FCHSD1: variants seen among roughly 807,000 people sequenced by gnomAD.
FCHSD1 encodes the protein FCH and double SH3 domains 1.
Under a neutral mutation model 101.3 loss-of-function variants are expected in FCHSD1, and 109 were observed. The ratio of observed to expected loss-of-function variants is 1.08; its 90% CI spans 0.92 to 1.26. FCHSD1 has a LOEUF of 1.26. FCHSD1 is among the 50% of genes most tolerant of loss of function. The pLI, the probability that FCHSD1 is intolerant of heterozygous loss-of-function variation, is 0.00. For missense variants in FCHSD1, 820 were observed against 895.8 expected, an observed-to-expected ratio of 0.92 and a Z score of 1.08; for synonymous variants, 291 against 356.8, an observed-to-expected ratio of 0.82 and a Z score of 2.08.
rs1299234709 is a variant in FCHSD1 at position 141,647,702 on chromosome 5, C to T, written c.706-182G>A. On this transcript the variant is annotated intron_variant, in intron 8 of 19. Transcript: ENST00000435817. The stretch of plus-strand genomic sequence containing the variant: ...AGTTTAAAACACGTTCACATCCATT[C>T]TCTCCTTTGAGCCCCACTAGTGCTA... 12 of 1,038,202 alleles carry T rather than the reference C, an allele frequency of 1.2e-5. No individual in the cohort carries two copies. The East Asian group carries it at 2.6e-4, about 23-fold the overall frequency. The allele number at this position is 1,038,202 out of a possible 1,614,324, so 64.3% of individuals were successfully genotyped here. A position where few individuals can be genotyped will look rare whatever the true frequency, so the allele number is the denominator to read the frequency against.
chr5:141,649,801 G>T lies in FCHSD1; in HGVS notation c.233+86C>A. The T allele has an allele frequency of 6.8e-7, 1 of 1,461,534 alleles. No individual in the cohort carries two copies. Among genetic ancestry groups the T allele is most frequent in the Non-Finnish European group, 9.2e-7 (1 of 1,088,216 alleles). The allele number at this position is 1,461,534 out of a possible 1,614,324, so 90.5% of individuals were successfully genotyped here. Reference sequence around the variant, plus strand: ...TACAGCTCACGTGCCTTCCCCACTTGCTAGGCCTTCATCCCCACAGGTTCC... The same window carrying T: ...TACAGCTCACGTGCCTTCCCCACTTTCTAGGCCTTCATCCCCACAGGTTCC... On this transcript the variant is annotated intron_variant, in intron 4 of 19. Coordinates refer to ENST00000435817, the MANE Select transcript of FCHSD1 (RefSeq NM_033449.3). This position sits in a 1 kb window ranked among gnomAD's most constrained non-coding sequence, Gnocchi z 4.1.
intron 18 of FCHSD1, 58 bp downstream of exon 18, chr5:141,642,943 A>G: frequency 3.3e-6 from 5 of 1,509,970 alleles, no homozygotes; most frequent in Middle Eastern, 3.9e-4. Flanking sequence ...TGGGAGTCCA[A>G]GCTTCCTCCT....
chr5:141,640,138 G>A lies in FCHSD1; in HGVS notation c.*1360C>T, dbSNP rs2099906670. ...GCCAGCCCCCCAGTACAGAATGGAG[G>A]ACTCAGGGACAGCAGCCTAACCCCT... On this transcript the variant is annotated 3_prime_UTR_variant, in exon 20 of 20. Transcript: ENST00000435817. 4.3e-6 allele frequency: 7 copies of A among 1,613,978 alleles called. No individual in the cohort carries two copies. The highest frequency in any genetic ancestry group is 5.9e-6 in the Non-Finnish European group (7 of 1,179,984).
intron 3 of FCHSD1, 88 bp downstream of exon 3, chr5:141,650,271 A>G (rs2099908204): frequency 6.4e-7 from 1 of 1,561,052 alleles, no homozygotes; most frequent in Admixed American, 1.7e-5. Flanking sequence ...TCTGCTCTTG[A>G]CCACAATAGG....
Position 141,639,452 on chromosome 5 carries a change from C to T in FCHSD1, c.*2046G>A, listed in dbSNP as rs1406796226. The T allele has an allele frequency of 1.3e-5, 20 of 1,590,258 alleles. No homozygotes were observed. Among genetic ancestry groups the T allele is most frequent in the Non-Finnish European group, 1.7e-5 (20 of 1,165,408 alleles). ...AAATGTTACCCTCACTCCCCTCCTC[C>T]CTGCTGTCCAGTGTGGATGCCACCT... On this transcript the variant is annotated 3_prime_UTR_variant, in exon 20 of 20. Transcript: ENST00000435817. This position sits in a 1 kb window ranked among gnomAD's most constrained non-coding sequence, Gnocchi z 4.4.
At position 141,648,992 on chromosome 5, in the gene FCHSD1, G is replaced by A. The variant is rs970312878; in HGVS notation, c.541C>T (p.His181Tyr). ...AGTTTCTGGAGACTGGTCCGAGAGTGGAAGATCCCATGGTCACTTCGGTTT... is the reference window on the plus strand; with the variant it reads ...AGTTTCTGGAGACTGGTCCGAGAGTAGAAGATCCCATGGTCACTTCGGTTT... ...RLNRSDHGIF[H>Y]SRTSLQKLST... The change falls in exon 7 of 20, where the codon CAC becomes TAC. Residue 181 changes from histidine to tyrosine, a missense_variant. Coordinates refer to ENST00000435817, the MANE Select transcript of FCHSD1 (RefSeq NM_033449.3). 6.2e-7 allele frequency: 1 copy of A among 1,613,942 alleles called. No homozygotes were observed. The highest frequency in any genetic ancestry group is 8.5e-7 in the Non-Finnish European group (1 of 1,179,874).
rs1433567443 is a variant in FCHSD1 at position 141,644,595 on chromosome 5, A to T, written c.1620T>A (p.Asn540Lys). ...SLPESSQDSD[N>K]PCGAEPTAFL... ...TACCTGTGGGCTCTGCCCCGCAGGG[A>T]TTGTCACTGTCTTGGCTGCTCTCTG... Residue 540 changes from asparagine (N) to lysine (K), a missense_variant, in exon 16 of 20, where the codon AAT becomes AAA. By Grantham distance (94) the Asn-to-Lys change is moderately conservative. Coordinates refer to ENST00000435817, the MANE Select transcript of FCHSD1 (RefSeq NM_033449.3). 1 of 1,613,868 alleles carries T rather than the reference A, an allele frequency of 6.2e-7. No individual in the cohort carries two copies.
chr5:141,649,349 T>C lies in FCHSD1; in HGVS notation c.376-41A>G, dbSNP rs781291502. ...CACAAAGTCCTTACCTAGACCACCT[T>C]TGGTCCCAAGCCAGCTCTTCCTTCA... On this transcript the variant is annotated intron_variant, in intron 5 of 19. Coordinates refer to ENST00000435817, the MANE Select transcript of FCHSD1 (RefSeq NM_033449.3). This position sits in a 1 kb window ranked among gnomAD's most constrained non-coding sequence, Gnocchi z 4.1. 7.4e-6 allele frequency: 12 copies of C among 1,613,756 alleles called. No individual in the cohort carries two copies. Among genetic ancestry groups the C allele is most frequent in the Middle Eastern group, 1.6e-4 (1 of 6,084 alleles).
chr5:141,640,851 T>C lies in FCHSD1; in HGVS notation c.*647A>G. On this transcript the variant is annotated 3_prime_UTR_variant, in exon 20 of 20. Transcript: ENST00000435817. ...GAGGTCACAGCCCCTCAGTCTCTTC[T>C]CCTTCCCCTGCCTGCAACAGGCTGC... The C allele has an allele frequency of 1.6e-6, 1 of 608,032 alleles. No homozygotes were observed. The highest frequency in any genetic ancestry group is 2.9e-6 in the Non-Finnish European group (1 of 350,184). The allele number at this position is 608,032 out of a possible 1,614,324, so 37.7% of individuals were successfully genotyped here.
In FCHSD1 at chr5:141,640,043, A is replaced by G. The variant is rs765309159; in HGVS notation, c.*1455T>C. ...CAGGGGGTGGTCAGGGGTCTGGGGG[A>G]GGGCAGCCCAAGGCAGGGATGCCTG... On this transcript the variant is annotated 3_prime_UTR_variant, in exon 20 of 20. Coordinates refer to ENST00000435817, the MANE Select transcript of FCHSD1 (RefSeq NM_033449.3). 6.2e-7 allele frequency: 1 copy of G among 1,613,230 alleles called. No homozygotes were observed. The highest frequency in any genetic ancestry group is 1.1e-5 in the South Asian group (1 of 91,064).
At position 141,646,613 on chromosome 5, in the gene FCHSD1, T is replaced by A; in HGVS notation, c.1034A>T (p.His345Leu). 1 of 1,612,730 alleles carries A rather than the reference T, an allele frequency of 6.2e-7. No individual in the cohort carries two copies. The highest frequency in any genetic ancestry group is 8.5e-7 in the Non-Finnish European group (1 of 1,179,462). ...RAARDYKIQN[H>L]GHRVLQRLEQ... is the part of the protein sequence containing the mutation. ...GCCCCCCCACCTCACCCGATGCCCA[T>A]GGTTCTGGATCTTGTAGTCACGGGC... The change falls in exon 11 of 20, where the codon CAT becomes CTT. Residue 345 changes from histidine (H) to leucine (L), a missense_variant. Coordinates refer to ENST00000435817, the MANE Select transcript of FCHSD1 (RefSeq NM_033449.3).
intron 18 of FCHSD1, chr5:141,642,204 A>C (rs933664557): frequency 5.6e-6 from 3 of 536,372 alleles, no homozygotes; most frequent in Non-Finnish European, 9.8e-6. Context: ...CTGCAGCAAC[A>C]TGAATGGAGT....
rs372908608 is a variant in FCHSD1 at position 141,649,953 on chromosome 5, G to T, written c.167C>A (p.Ala56Glu). Residue 56 changes from alanine (A) to glutamate (E), a missense_variant and splice_region_variant, in exon 4 of 20, where the codon GCA becomes GAA. By Grantham distance (107) the Ala-to-Glu change is moderately radical (BLOSUM62 -1). Transcript: ENST00000435817. The surrounding 1 kb of genome is among the most constrained non-coding windows in gnomAD (Gnocchi z 4.1). ...GAATGGGCCAGCCAGTTTCTGGAGTGCCTGGTGAAAAAGCCATCACAGAAC... is the reference window on the plus strand; with the variant it reads ...GAATGGGCCAGCCAGTTTCTGGAGTTCCTGGTGAAAAAGCCATCACAGAAC... ...RAAIEREYGQ[A>E]LQKLAGPFLK... The T allele has an allele frequency of 6.5e-7, 1 of 1,541,136 alleles. No individual in the cohort carries two copies.
In FCHSD1 at chr5:141,644,718, T is replaced by C. The variant is rs561261833; in HGVS notation, c.1525-28A>G. On this transcript the variant is annotated intron_variant, in intron 15 of 19. Coordinates refer to ENST00000435817, the MANE Select transcript of FCHSD1 (RefSeq NM_033449.3). ...GCTCACCCAGCAATGTGAACAGATA[T>C]TAGACTTACCTCAGCAGTCCATGAC... 34 of 1,612,926 alleles carry C rather than the reference T, an allele frequency of 2.1e-5. No individual in the cohort carries two copies. The East Asian group carries it at 5.3e-4, about 25-fold the overall frequency.
At chr5:141,647,747 G>C in intron 8 of FCHSD1, 2 of 947,266 alleles carry the variant, frequency 2.1e-6, no homozygotes, top group Non-Finnish European at 3.1e-6. Flanking sequence ...CAGAGAAAGG[G>C]TTATCCCTGA....
At position 141,649,133 on chromosome 5, in the gene FCHSD1, T is replaced by C. The variant is rs1289874168; in HGVS notation, c.512+39A>G. 1 of 1,613,764 alleles carries C rather than the reference T, an allele frequency of 6.2e-7. No homozygotes were observed. The highest frequency in any genetic ancestry group is 2.2e-5 in the East Asian group (1 of 44,860). On this transcript the variant is annotated intron_variant, in intron 6 of 19. Transcript: ENST00000435817. This position sits in a 1 kb window ranked among gnomAD's most constrained non-coding sequence, Gnocchi z 4.1. Reference sequence around the variant, plus strand: ...ACCCCTAGACAGCCCCACCTCCCTGTTCCCCAACCTTGGGCTTCCTCACTC... The same window carrying C: ...ACCCCTAGACAGCCCCACCTCCCTGCTCCCCAACCTTGGGCTTCCTCACTC...
rs778994415 is a variant in FCHSD1 at position 141,649,166 on chromosome 5, C to T, written c.512+6G>A. The T allele has an allele frequency of 1.2e-6, 2 of 1,613,998 alleles. No individual in the cohort carries two copies. The highest frequency in any genetic ancestry group is 1.7e-6 in the Non-Finnish European group (2 of 1,179,882). On this transcript the variant is annotated splice_donor_region_variant and intron_variant, in intron 6 of 19. Transcript: ENST00000435817. This position sits in a 1 kb window ranked among gnomAD's most constrained non-coding sequence, Gnocchi z 4.1. ...CCTTGGGCTTCCTCACTCTCCATGA[C>T]CCCACCTGGCCTGGACATCAGCCGC...
intron 18 of FCHSD1, chr5:141,642,339 A>T: frequency 1.5e-6 from 1 of 657,400 alleles, no homozygotes; most frequent in East Asian, 2.8e-5. Context: ...ACAGACTCCC[A>T]GGACTCCAAA....
chr5:141,643,045 G>C lies in FCHSD1; in HGVS notation c.1907C>G (p.Pro636Arg), dbSNP rs972718569. 1 of 1,548,138 alleles carries C rather than the reference G, an allele frequency of 6.5e-7. No individual in the cohort carries two copies. Among genetic ancestry groups the C allele is most frequent in the East Asian group, 2.5e-5 (1 of 40,656 alleles). The change falls in exon 18 of 20, where the codon CCT becomes CGT. Residue 636 changes from proline (P) to arginine (R), a missense_variant. Transcript: ENST00000435817. ...PSPPSFSPPA[P>R]TSVLDGPPAP... Reference sequence around the variant, plus strand: ...AGGGGGCCCATCCAACACAGAGGTAGGTGCAGGTGGGGAGAAGCTGGGAGG... The same window carrying C: ...AGGGGGCCCATCCAACACAGAGGTACGTGCAGGTGGGGAGAAGCTGGGAGG...
Sources: allele counts gnomAD v4.1 joint callset, GRCh38; gene constraint gnomAD v4.1.1; non-coding constraint Gnocchi (gnomAD v3.1); transcripts MANE v1.5; gene names NCBI Gene and HGNC (gene_info 2026-07-23, HGNC 2026-07-21).